SEMA6D: variants seen among roughly 807,000 people sequenced by gnomAD.
SEMA6D encodes the protein semaphorin 6D, also known as semaphorin-6D.
A neutral mutation model predicts 106.6 loss-of-function variants in SEMA6D; 35 were observed. The ratio of observed to expected loss-of-function variants is 0.33; its 90% CI spans 0.25 to 0.44. SEMA6D has a LOEUF of 0.44. Ranked by LOEUF, SEMA6D falls within the 20% of genes least tolerant of loss-of-function variation. The pLI, the probability that SEMA6D is intolerant of heterozygous loss-of-function variation, is 1.00. For missense variants in SEMA6D, 1,185 were observed against 1,345.9 expected (o/e 0.88, Z 1.87); for synonymous variants, 499 against 487.7 (o/e 1.02, Z -0.31).
chr15:47,714,592 G>A (rs2079076248), upstream of SEMA6D, among the ~76,000 whole-genome samples: 1 of 152,232 alleles, frequency 6.6e-6, no homozygotes, highest in African/African-American at 2.4e-5. Context: ...GGAAATGTAT[G>A]TAGATAATGT....
chr15:47,204,869 T>C (rs1463220307), intron 1 of SEMA6D, among the ~76,000 whole-genome samples: 2 of 152,138 alleles, frequency 1.3e-5, no homozygotes, highest in African/African-American at 2.4e-5. Flanking sequence ...TGTTAAAGTA[T>C]GGGCCTATGT....
chr15:47,291,343 T>C (rs188376711), intron 1 of SEMA6D, among the ~76,000 whole-genome samples: 1 of 152,328 alleles, frequency 6.6e-6, no homozygotes, highest in Admixed American at 6.5e-5. Context: ...GTCTGTTATC[T>C]GAATTTCTCT....
chr15:47,229,154 G>A (rs879930038), intron 1 of SEMA6D, among the ~76,000 whole-genome samples: 1 of 152,014 alleles, frequency 6.6e-6, no homozygotes, highest in Non-Finnish European at 1.5e-5. Context: ...AGGATATACA[G>A]AACCTTCATT....
intron 3 of SEMA6D, among the ~76,000 whole-genome samples, chr15:47,535,921 G>A (rs2045147383): frequency 6.6e-6 from 1 of 152,184 alleles, no homozygotes; most frequent in African/African-American, 2.4e-5. Context: ...GATACAGAAA[G>A]TAGCTTGTTA....
chr15:47,482,613 G>A (rs1436775626), intron 3 of SEMA6D, among the ~76,000 whole-genome samples: 1 of 152,118 alleles, frequency 6.6e-6, no homozygotes, highest in African/African-American at 2.4e-5. Context: ...ATTAATATTA[G>A]TGTTAATATT....
intron 3 of SEMA6D, among the ~76,000 whole-genome samples, chr15:47,571,289 C>T (rs2046374929): frequency 6.6e-6 from 1 of 152,094 alleles, no homozygotes; most frequent in Admixed American, 6.5e-5. Flanking sequence ...TTCTGGAGCC[C>T]AATTTGGAAG....
chr15:47,707,958 C>T (rs2078944805), intron 4 of SEMA6D, among the ~76,000 whole-genome samples: 1 of 152,180 alleles, frequency 6.6e-6, no homozygotes, highest in Non-Finnish European at 1.5e-5. Context: ...TCCCACATCC[C>T]CTTCCCTGAC....
At position 47,233,630 on chromosome 15, in the gene SEMA6D, CT is replaced by C. The variant is rs1329893582; in HGVS notation, c.-239+49214del. Among the ~76,000 whole-genome samples, 20 of 151,868 alleles carry C rather than the reference CT, an allele frequency of 1.3e-4. No individual in the cohort carries two copies. In the East Asian group the frequency reaches 3.9e-3, roughly 29 times the overall value. On this transcript the variant is annotated intron_variant, in intron 1 of 19. Coordinates refer to the SEMA6D transcript ENST00000558014. Reference sequence around the variant, plus strand: ...TAATTTTCAGTATTTAAATCTTTTACTTCATTACTTAAGTTTGTTCCTGGGT... The same window carrying C: ...TAATTTTCAGTATTTAAATCTTTTACTCATTACTTAAGTTTGTTCCTGGGT...
chr15:47,434,190 G>A (rs926182525), intron 2 of SEMA6D, among the ~76,000 whole-genome samples: 4 of 152,070 alleles, frequency 2.6e-5, no homozygotes, highest in Non-Finnish European at 5.9e-5. Context: ...AGAGTGAATC[G>A]ATTTGGAGGC....
intron 1 of SEMA6D, among the ~76,000 whole-genome samples, chr15:47,751,273 C>T (rs995609935): frequency 2.0e-5 from 3 of 152,124 alleles, no homozygotes; most frequent in Non-Finnish European, 4.4e-5. Context: ...TAAACCTAAA[C>T]CTCCCTTTTA....
intron 1 of SEMA6D, among the ~76,000 whole-genome samples, chr15:47,237,755 A>G (rs2032647333): frequency 6.6e-6 from 1 of 151,874 alleles, no homozygotes; most frequent in Non-Finnish European, 1.5e-5. Flanking sequence ...TGTTTGTTTT[A>G]TATATTTGAG....
intron 1 of SEMA6D, among the ~76,000 whole-genome samples, chr15:47,314,825 T>TCAAACCC (rs2036587721): frequency 6.8e-6 from 1 of 148,018 alleles, no homozygotes; most frequent in South Asian, 2.2e-4. Flanking sequence ...ACAGTCATCA[T>TCAAACCC]CAAACCCAAA....
At chr15:47,630,331 C>T (rs1258111317) in intron 4 of SEMA6D, among the ~76,000 whole-genome samples, 1 of 151,738 alleles carries the variant, frequency 6.6e-6, no homozygotes, top group Non-Finnish European at 1.5e-5. Context: ...ATATTCTATA[C>T]ATATTTTGTT....
intron 2 of SEMA6D, among the ~76,000 whole-genome samples, chr15:47,426,645 T>C (rs1010087243): frequency 4.0e-5 from 6 of 150,124 alleles, no homozygotes; most frequent in African/African-American, 1.5e-4. Flanking sequence ...ATTTTCATTA[T>C]CATATAATAG....
intron 2 of SEMA6D, among the ~76,000 whole-genome samples, chr15:47,455,711 A>G (rs968115481): frequency 2.0e-5 from 3 of 151,970 alleles, no homozygotes; most frequent in Admixed American, 2.0e-4. Context: ...CTCTGGCATC[A>G]TGAATAACTG....
intron 3 of SEMA6D, among the ~76,000 whole-genome samples, chr15:47,543,119 G>A (rs577227093): frequency 6.6e-6 from 1 of 152,248 alleles, no homozygotes; most frequent in South Asian, 2.1e-4. Context: ...TATCAGCAAT[G>A]CTTTAACAAT....
intron 1 of SEMA6D, among the ~76,000 whole-genome samples, chr15:47,372,546 A>C (rs1455133809): frequency 6.6e-6 from 1 of 152,224 alleles, no homozygotes; most frequent in Non-Finnish European, 1.5e-5. Context: ...CCTCTGCTGC[A>C]AATGTTTGCT....
chr15:47,521,762 G>A (rs2044587240), intron 3 of SEMA6D, among the ~76,000 whole-genome samples: 1 of 152,140 alleles, frequency 6.6e-6, no homozygotes, highest in Non-Finnish European at 1.5e-5. Context: ...AAGGCGGGTG[G>A]ATCACAAGGT....
intron 13 of SEMA6D, chr15:47,765,468 T>C: frequency 1.0e-6 from 1 of 979,440 alleles, no homozygotes; most frequent in Non-Finnish European, 1.2e-6. Context: ...AGTAAGAGAA[T>C]ATTTAGACCA....
Sources: gnomAD v4.1 joint callset for allele counts (sites outside exome capture counted in the v4.1 genomes callset) on GRCh38, gnomAD v4.1.1 for gene constraint, MANE v1.5 for transcripts, NCBI Gene and HGNC (gene_info 2026-07-23, HGNC 2026-07-21) for gene names.